DRC2: variants seen among roughly 807,000 people sequenced by gnomAD.
DRC2 encodes the protein coiled-coil domain containing 65.
At chr12:48,917,107 TG>T in the DRC2 span, 1 of 1,613,688 alleles carries the variant, frequency 6.2e-7, no homozygotes, top group Non-Finnish European at 8.5e-7. Flanking sequence ...CTCAAAAACA[TG>T]GTACGGAGGG....
At chr12:48,917,274 G>GC in the DRC2 span, among the ~76,000 whole-genome samples, 10 of 5,820 alleles carry the variant, frequency 1.7e-3, no homozygotes, top group South Asian at 9.6e-3. Flanking sequence ...AACATAGGGA[G>GC]TCCCCCCCAT....
the DRC2 span, among the ~76,000 whole-genome samples, chr12:48,908,919 T>C: frequency 1.3e-5 from 2 of 151,948 alleles, no homozygotes; most frequent in Admixed American, 1.3e-4. Context: ...AGAAATCTAA[T>C]CCTGTCACTC....
chr12:48,904,178 G>C, the DRC2 span: 26 of 883,926 alleles, frequency 2.9e-5, no homozygotes, highest in Non-Finnish European at 4.0e-5. Flanking sequence ...GATAGCCGGG[G>C]ATCTCTCCTG....
chr12:48,915,974 A>G, the DRC2 span, among the ~76,000 whole-genome samples: 3 of 136,128 alleles, frequency 2.2e-5, no homozygotes, highest in African/African-American at 8.6e-5. Flanking sequence ...GCGGCGGGGC[A>G]GAGGCACTCC....
At chr12:48,920,443 A>ATTT in the DRC2 span, among the ~76,000 whole-genome samples, 14 of 88,062 alleles carry the variant, frequency 1.6e-4, no homozygotes, top group Non-Finnish European at 2.7e-4. Context: ...CTCCATCTTA[A>ATTT]AAAAAAAAAA....
chr12:48,921,134 G>T, the DRC2 span: 1 of 1,611,288 alleles, frequency 6.2e-7, no homozygotes, highest in Non-Finnish European at 8.5e-7. Context: ...AATGGGTCTC[G>T]CTGCACACCT....
the DRC2 span, among the ~76,000 whole-genome samples, chr12:48,906,489 G>A: frequency 1.3e-5 from 2 of 151,672 alleles, no homozygotes; most frequent in African/African-American, 4.8e-5. Context: ...TCTTCATGTC[G>A]GTTAGGCTGG....
chr12:48,910,843 G>A, the DRC2 span, among the ~76,000 whole-genome samples: 2 of 152,154 alleles, frequency 1.3e-5, no homozygotes. Flanking sequence ...CTAGGAGTTC[G>A]AGATCGGCCT....
At chr12:48,918,416 G>A in the DRC2 span, 2 of 1,614,094 alleles carry the variant, frequency 1.2e-6, no homozygotes, top group Non-Finnish European at 1.7e-6. Context: ...GCAGGTGAAG[G>A]ATGAGAAGAG....
At chr12:48,904,157 T>G in the DRC2 span, 14 of 738,766 alleles carry the variant, frequency 1.9e-5, no homozygotes, top group Non-Finnish European at 2.2e-5. Context: ...GTGGGAGAGC[T>G]CAGCCTCACT....
the DRC2 span, among the ~76,000 whole-genome samples, chr12:48,912,042 G>A: frequency 1.3e-5 from 2 of 151,738 alleles, no homozygotes; most frequent in Non-Finnish European, 2.9e-5. Flanking sequence ...GGCGGATCAC[G>A]AGGTCAGGAG....
chr12:48,917,244 A>G, the DRC2 span: 1 of 922,954 alleles, frequency 1.1e-6, no homozygotes, highest in South Asian at 1.6e-5. Context: ...TGAGACTGGG[A>G]GTTCAAGACT....
At chr12:48,910,690 C>CT in the DRC2 span, among the ~76,000 whole-genome samples, 1 of 152,136 alleles carries the variant, frequency 6.6e-6, no homozygotes, top group Non-Finnish European at 1.5e-5. Context: ...AAACTTTTTT[C>CT]TTTTTTTACA....
chr12:48,910,484 G>T, the DRC2 span, among the ~76,000 whole-genome samples: 2 of 152,048 alleles, frequency 1.3e-5, no homozygotes, highest in African/African-American at 4.8e-5. Context: ...TTTACAGTGA[G>T]TGGACTCAAG....
the DRC2 span, among the ~76,000 whole-genome samples, chr12:48,919,804 C>G: frequency 6.6e-6 from 1 of 152,124 alleles, no homozygotes; most frequent in Non-Finnish European, 1.5e-5. Context: ...GCGTGAGCCA[C>G]CGCGTCTGGT....
At chr12:48,913,654 C>T in the DRC2 span, among the ~76,000 whole-genome samples, 5 of 151,980 alleles carry the variant, frequency 3.3e-5, no homozygotes, top group African/African-American at 9.7e-5. Flanking sequence ...CCACCATGGC[C>T]GGAATTTTTT....
chr12:48,918,735 T>C, the DRC2 span: 1 of 1,613,740 alleles, frequency 6.2e-7, no homozygotes, highest in Non-Finnish European at 8.5e-7. Flanking sequence ...GCCGTGAGAG[T>C]GAAGATGAGA....
the DRC2 span, among the ~76,000 whole-genome samples, chr12:48,912,567 A>G: frequency 6.6e-6 from 1 of 152,056 alleles, no homozygotes; most frequent in Non-Finnish European, 1.5e-5. Context: ...AGGCTAGCCA[A>G]GGGTTATGCC....
At chr12:48,918,309 T>C in the DRC2 span, 2 of 1,614,082 alleles carry the variant, frequency 1.2e-6, no homozygotes, top group African/African-American at 2.7e-5. Flanking sequence ...AGACTGCACC[T>C]GGAGAACAGA....
Sources: gnomAD v4.1 joint callset for allele counts (sites outside exome capture counted in the v4.1 genomes callset) on GRCh38, gnomAD v4.1.1 for gene constraint, MANE v1.5 for transcripts, NCBI Gene and HGNC (gene_info 2026-07-23, HGNC 2026-07-21) for gene names.